AGMO: variants seen among roughly 807,000 people sequenced by gnomAD.
The protein encoded by AGMO is glyceryl-ether monooxygenase.
AGMO carries 75 observed loss-of-function variants against 60.2 expected under a neutral mutation model. The observed-to-expected ratio is 1.25, with a 90% confidence interval of 1.03 to 1.51. The LOEUF (loss-of-function observed/expected upper bound fraction) is 1.51, where lower values mean the gene tolerates loss of function less well. Ranked by LOEUF, AGMO falls within the 40% of genes most tolerant of loss-of-function variation. The pLI is 0.00. For missense variants in AGMO, 763 were observed against 525.5 expected, an observed-to-expected ratio of 1.45 and a Z score of -4.42; for synonymous variants, 261 against 177.1, an observed-to-expected ratio of 1.47 and a Z score of -3.76.
intron 10 of AGMO, among the ~76,000 whole-genome samples, chr7:15,368,223 T>C (rs1329842553): frequency 1.3e-5 from 2 of 149,082 alleles, no homozygotes; most frequent in African/African-American, 5.0e-5. Context: ...AGCAAGAGAG[T>C]GCTATTAATA....
intron 2 of AGMO, among the ~76,000 whole-genome samples, chr7:15,556,186 A>C (rs1211052482): frequency 1.3e-5 from 2 of 148,868 alleles, no homozygotes; most frequent in Non-Finnish European, 3.0e-5. Flanking sequence ...AGAGTCAAAA[A>C]TATTTTAAAG....
At chr7:15,133,881 T>C in the AGMO span, among the ~76,000 whole-genome samples, 1 of 152,168 alleles carries the variant, frequency 6.6e-6, no homozygotes, top group African/African-American at 2.4e-5. Context: ...GATCTGAAAC[T>C]GAACACCTCA....
At chr7:15,142,205 T>G in the AGMO span, among the ~76,000 whole-genome samples, 1 of 152,320 alleles carries the variant, frequency 6.6e-6, no homozygotes, top group South Asian at 2.1e-4. Context: ...AATAGCCACT[T>G]TTTAATCTTA....
intron 3 of AGMO, among the ~76,000 whole-genome samples, chr7:15,515,942 G>T (rs1003591503): frequency 2.0e-5 from 3 of 152,088 alleles, no homozygotes; most frequent in Admixed American, 2.0e-4. Context: ...TAGACAGGAG[G>T]AATAGGTTCA....
At chr7:15,128,119 C>A in the AGMO span, among the ~76,000 whole-genome samples, 1 of 152,072 alleles carries the variant, frequency 6.6e-6, no homozygotes, top group East Asian at 1.9e-4. Flanking sequence ...CTGAACCCTG[C>A]CAGTGCCACC....
At position 15,553,514 on chromosome 7, in the gene AGMO, C is replaced by T. The variant is rs374935018; in HGVS notation, c.257+6627G>A. Reference sequence around the variant, plus strand: ...TATGAAGAGCCTACTAAGTGCCAGGCACAGCACAAGACACAAGAACACACT... The same window carrying T: ...TATGAAGAGCCTACTAAGTGCCAGGTACAGCACAAGACACAAGAACACACT... On this transcript the variant is annotated intron_variant, in intron 2 of 12. Coordinates refer to ENST00000342526, the MANE Select transcript of AGMO (RefSeq NM_001004320.2). Among the ~76,000 whole-genome samples the T allele has an allele frequency of 2.6e-5, 4 of 151,972 alleles. No individual in the cohort carries two copies. The East Asian group carries it at 5.8e-4, about 22-fold the overall frequency.
intron 5 of AGMO, among the ~76,000 whole-genome samples, chr7:15,410,097 C>A (rs1224810328): frequency 6.6e-6 from 1 of 151,672 alleles, no homozygotes; most frequent in Non-Finnish European, 1.5e-5. Context: ...AATTCTTGGG[C>A]TGAGACCACT....
At chr7:15,493,334 A>AACACACACACACAC (rs144549105) in intron 3 of AGMO, among the ~76,000 whole-genome samples, 1,396 of 70,346 alleles carry the variant, frequency 0.02, 62 homozygotes, top group African/African-American at 0.054. Flanking sequence ...AAACACACAA[A>AACACACACACACAC]ACACACACAC....
intron 4 of AGMO, among the ~76,000 whole-genome samples, chr7:15,426,264 G>C (rs1781058497): frequency 6.6e-6 from 1 of 151,990 alleles, no homozygotes; most frequent in Non-Finnish European, 1.5e-5. Flanking sequence ...ATTCATTTAT[G>C]TAACATACAT....
At chr7:15,447,842 G>A (rs1022297920) in intron 3 of AGMO, among the ~76,000 whole-genome samples, 9 of 152,166 alleles carry the variant, frequency 5.9e-5, no homozygotes, top group Admixed American at 5.2e-4. Context: ...GTGAGCCACC[G>A]GGCCCAGCCT....
At chr7:15,221,832 C>T (rs1045052144) in intron 12 of AGMO, among the ~76,000 whole-genome samples, 21 of 152,008 alleles carry the variant, frequency 1.4e-4, no homozygotes, top group African/African-American at 4.8e-4. Flanking sequence ...TTGCAGTATC[C>T]GTGAACTAGA....
At chr7:15,360,315 T>G (rs1336264602) in intron 12 of AGMO, among the ~76,000 whole-genome samples, 3 of 152,030 alleles carry the variant, frequency 2.0e-5, no homozygotes, top group African/African-American at 7.3e-5. Flanking sequence ...AACTCGGAGG[T>G]TAGTGGGGCC....
At chr7:15,193,410 A>G in the AGMO span, among the ~76,000 whole-genome samples, 7 of 152,196 alleles carry the variant, frequency 4.6e-5, no homozygotes, top group African/African-American at 1.7e-4. Flanking sequence ...CCAAATTTAC[A>G]AGCTGTGAAA....
chr7:15,460,721 A>ATATG (rs1326285149), intron 3 of AGMO, among the ~76,000 whole-genome samples: 3 of 152,168 alleles, frequency 2.0e-5, no homozygotes, highest in African/African-American at 7.2e-5. Context: ...AATATGCCAA[A>ATATG]TATATACCAT....
intron 10 of AGMO, among the ~76,000 whole-genome samples, chr7:15,372,617 A>C (rs1783264782): frequency 6.6e-6 from 1 of 152,082 alleles, no homozygotes. Context: ...CCACTGGCCA[A>C]CTACACTAGA....
At chr7:15,117,720 A>C in the AGMO span, among the ~76,000 whole-genome samples, 1 of 152,056 alleles carries the variant, frequency 6.6e-6, no homozygotes, top group African/African-American at 2.4e-5. Context: ...AAATGTCCAC[A>C]TGGCCGCATG....
At chr7:15,234,320 C>T (rs746230221) in intron 12 of AGMO, among the ~76,000 whole-genome samples, 1 of 152,116 alleles carries the variant, frequency 6.6e-6, no homozygotes, top group Non-Finnish European at 1.5e-5. Context: ...GTCTATCTCT[C>T]CCAAGGTTAG....
In AGMO at chr7:15,461,535, T is replaced by G. The variant is rs149469131; in HGVS notation, c.410-30427A>C. Reference sequence around the variant, plus strand: ...ATTAGGATGGTCATGAAGAACTTATTTTATTTGAGCTCTCCTTTGTCAATA... The same window carrying G: ...ATTAGGATGGTCATGAAGAACTTATGTTATTTGAGCTCTCCTTTGTCAATA... On this transcript the variant is annotated intron_variant, in intron 3 of 12. Coordinates refer to ENST00000342526, the MANE Select transcript of AGMO (RefSeq NM_001004320.2). Among the ~76,000 whole-genome samples the G allele has an allele frequency of 3.4e-3, 520 of 152,210 alleles. 3 individuals are homozygous for G. The highest frequency in any genetic ancestry group is 0.011 in the African/African-American group (477 of 41,540).
chr7:15,148,565 T>G, the AGMO span, among the ~76,000 whole-genome samples: 1 of 151,532 alleles, frequency 6.6e-6, no homozygotes, highest in Non-Finnish European at 1.5e-5. Flanking sequence ...TTCCCACTTA[T>G]AAGTGGGAAT....
Sources: gnomAD v4.1 joint callset for allele counts (sites outside exome capture counted in the v4.1 genomes callset) on GRCh38, gnomAD v4.1.1 for gene constraint, MANE v1.5 for transcripts, NCBI Gene and HGNC (gene_info 2026-07-23, HGNC 2026-07-21) for gene names.